The following TRMT10A variants were observed in gnomAD, a reference collection of about 807,000 sequenced individuals.
TRMT10A encodes the protein tRNA methyltransferase 10 homolog A.
In TRMT10A, 37 loss-of-function variants were observed where a neutral mutation model predicts 40.4. The observed-to-expected ratio is 0.92, with a 90% CI of 0.71 to 1.21. The LOEUF (loss-of-function observed/expected upper bound fraction) is 1.21, where lower values mean the gene tolerates loss of function less well. Among genes scored for constraint, TRMT10A ranks in the 50% most tolerant of loss-of-function variants. TRMT10A has a pLI of 0.00. For missense variants in TRMT10A, 388 were observed against 404.3 expected (o/e 0.96, Z 0.35); for synonymous variants, 103 against 134.1 (o/e 0.77, Z 1.60).
chr4:99,555,271 T>G (rs73832826), intron 5 of TRMT10A, among the ~76,000 whole-genome samples: 13,162 of 152,248 alleles, frequency 0.086, 1,037 homozygotes, highest in African/African-American at 0.19. Flanking sequence ...TCATAGGCTA[T>G]TAATAAAATA....
intron 7 of TRMT10A, among the ~76,000 whole-genome samples, chr4:99,549,743 AG>A (rs2110181782): frequency 6.6e-6 from 1 of 152,288 alleles, no homozygotes; most frequent in African/African-American, 2.4e-5. Context: ...CACTCACACT[AG>A]GATCTCCTTG....
chr4:99,557,433 T>C lies in TRMT10A; in HGVS notation c.349-17A>G, dbSNP rs1266248371. 1 of 1,609,740 alleles carries C rather than the reference T, an allele frequency of 6.2e-7. No individual in the cohort carries two copies. The highest frequency in any genetic ancestry group is 1.1e-5 in the South Asian group (1 of 90,344). On this transcript the variant is annotated splice_polypyrimidine_tract_variant and intron_variant, in intron 3 of 7. Transcript: ENST00000394876. ...CTTAATGTCCTATCACAGAGTTCAATTTTTAAAGCAAAGTTATTAAAATTG... is the reference window on the plus strand; with the variant it reads ...CTTAATGTCCTATCACAGAGTTCAACTTTTAAAGCAAAGTTATTAAAATTG...
At chr4:99,551,116 AT>A (rs1394192794) in intron 6 of TRMT10A, 126 bp from the exon 7 acceptor site, 16 of 641,464 alleles carry the variant, frequency 2.5e-5, no homozygotes, top group African/African-American at 3.8e-5. Flanking sequence ...TATTATCTGA[AT>A]GGGGGGTATG....
intron 1 of TRMT10A, among the ~76,000 whole-genome samples, chr4:99,559,767 C>G (rs1256122099): frequency 6.6e-6 from 1 of 152,054 alleles, no homozygotes; most frequent in East Asian, 1.9e-4. Flanking sequence ...TTAGAAACCT[C>G]CTGAATGTCA....
intron 3 of TRMT10A, chr4:99,557,753 C>T: frequency 2.4e-6 from 1 of 409,612 alleles, no homozygotes; most frequent in Non-Finnish European, 4.3e-6. Context: ...TAAAACCCCA[C>T]AGATCTTTAT....
chr4:99,554,261 C>A (rs998561048), intron 5 of TRMT10A, among the ~76,000 whole-genome samples: 4 of 152,174 alleles, frequency 2.6e-5, no homozygotes, highest in Non-Finnish European at 4.4e-5. Flanking sequence ...AATCTGAAAT[C>A]CTTAATTTAA....
intron 2 of TRMT10A, 103 bp downstream of exon 2, chr4:99,559,051 T>G: frequency 1.4e-5 from 17 of 1,229,578 alleles, no homozygotes; most frequent in Non-Finnish European, 1.9e-5. Context: ...AGTAATTGAA[T>G]TTTAAGTAAC....
At position 99,557,576 on chromosome 4, in the gene TRMT10A, A is replaced by T. The variant is rs115081595; in HGVS notation, c.349-160T>A. 757 of 582,118 alleles carry T rather than the reference A, an allele frequency of 1.3e-3. 6 individuals are homozygous for T. Among genetic ancestry groups the T allele is most frequent in the African/African-American group, 0.013 (655 of 51,966 alleles). 36.1% of individuals were successfully genotyped at this position (582,118 alleles called of 1,614,324 possible). On this transcript the variant is annotated intron_variant, in intron 3 of 7. Coordinates refer to ENST00000394876, the MANE Select transcript of TRMT10A (RefSeq NM_001134665.3). The stretch of plus-strand genomic sequence containing the variant: ...GATAAATGTTATTTGATTTCCTTAC[A>T]TACTAGCAAAATTACTGTAAGTTAA...
At position 99,552,889 on chromosome 4, in the gene TRMT10A, G is replaced by C. The variant is rs549642363; in HGVS notation, c.645+896C>G. On this transcript the variant is annotated intron_variant, in intron 6 of 7. Coordinates refer to ENST00000394876, the MANE Select transcript of TRMT10A (RefSeq NM_001134665.3). The stretch of plus-strand genomic sequence containing the variant: ...TCAACTGATGGTTTGCATACTTGGT[G>C]GGGGGGGGAGGCAGCAAATAATAAT... Among the ~76,000 whole-genome samples the C allele has an allele frequency of 6.1e-5, 9 of 147,970 alleles. No homozygotes were observed. In the South Asian group the frequency reaches 8.5e-4, roughly 14 times the overall value.
chr4:99,555,251 AT>A (rs1371142911), intron 5 of TRMT10A, among the ~76,000 whole-genome samples: 3 of 152,230 alleles, frequency 2.0e-5, no homozygotes, highest in Non-Finnish European at 2.9e-5. Context: ...GCCTTTGAAA[AT>A]GTTTCATATC....
intron 5 of TRMT10A, 115 bp from the exon 6 acceptor site, chr4:99,554,049 T>A: frequency 9.5e-7 from 1 of 1,053,350 alleles, no homozygotes; most frequent in Non-Finnish European, 1.4e-6. Context: ...GAAACAAAGT[T>A]TGAAATAATA....
At position 99,548,406 on chromosome 4, in the gene TRMT10A, T is replaced by C. The variant is rs1723819744; in HGVS notation, c.*682A>G. The C allele has an allele frequency of 6.6e-6, 1 of 152,126 alleles. No homozygotes were observed. Among genetic ancestry groups the C allele is most frequent in the Non-Finnish European group, 1.5e-5 (1 of 67,990 alleles). 9.4% of individuals were successfully genotyped at this position (152,126 alleles called of 1,614,324 possible). A position where few individuals can be genotyped will look rare whatever the true frequency, so the allele number is the denominator to read the frequency against. The stretch of plus-strand genomic sequence containing the variant: ...AAATAATTTAGTCTGCAAAATTCAA[T>C]TTTATAATTGAAGTAACTTATCACC... On this transcript the variant is annotated 3_prime_UTR_variant, in exon 8 of 8. Transcript: ENST00000394876.
At position 99,556,142 on chromosome 4, in the gene TRMT10A, T is replaced by C. The variant is rs1312285551; in HGVS notation, c.495+4A>G. ...TTATGTGAGAGTTTATCTGTTTTAA[T>C]TACCTTCCAGTTGACCCATCCTTTG... On this transcript the variant is annotated splice_donor_region_variant and intron_variant, in intron 5 of 7. Transcript: ENST00000394876. 1 of 1,613,236 alleles carries C rather than the reference T, an allele frequency of 6.2e-7. No individual in the cohort carries two copies. Among genetic ancestry groups the C allele is most frequent in the Admixed American group, 1.7e-5 (1 of 59,952 alleles).
At chr4:99,561,680 A>G (rs559391644) in intron 1 of TRMT10A, among the ~76,000 whole-genome samples, 2 of 152,312 alleles carry the variant, frequency 1.3e-5, no homozygotes, top group East Asian at 3.9e-4. Context: ...ACTATGTACT[A>G]GCGTGTTCAG....
Position 99,562,515 on chromosome 4 carries a change from C to CTTCTTTTT in TRMT10A, c.-24+1397_-24+1398insAAAAAGAA, listed in dbSNP as rs1164312241. ...CTTGACAGCGATAGCAAAGGAATGC[C>CTTCTTTTT]TTTTTTTTTTTTTTTTTTTTTTTTT... On this transcript the variant is annotated intron_variant, in intron 1 of 7. Coordinates refer to ENST00000394876, the MANE Select transcript of TRMT10A (RefSeq NM_001134665.3). Among the ~76,000 whole-genome samples the CTTCTTTTT allele has an allele frequency of 2.0e-3, 155 of 76,668 alleles. 17 individuals are homozygous for CTTCTTTTT. Among genetic ancestry groups the CTTCTTTTT allele is most frequent in the African/African-American group, 7.6e-3 (128 of 16,834 alleles). The allele number at this position is 76,668 out of a possible 152,430, so 50.3% of individuals were successfully genotyped here. A position where few individuals can be genotyped will look rare whatever the true frequency, so the allele number is the denominator to read the frequency against.
intron 1 of TRMT10A, among the ~76,000 whole-genome samples, chr4:99,560,172 A>G (rs1300942660): frequency 6.6e-6 from 1 of 152,160 alleles, no homozygotes; most frequent in Non-Finnish European, 1.5e-5. Flanking sequence ...GATACAAATT[A>G]AAAATAGGGC....
rs1229586573 is a variant in TRMT10A at position 99,553,923 on chromosome 4, G to A, written c.507C>T (p.Ile169=). 10 of 1,612,546 alleles carry A rather than the reference G, an allele frequency of 6.2e-6. No individual in the cohort carries two copies. The highest frequency in any genetic ancestry group is 1.7e-5 in the Admixed American group (1 of 59,802). Residue 169 remains isoleucine (I), a synonymous_variant, in exon 6 of 8, where the codon ATC becomes ATT. Coordinates refer to ENST00000394876, the MANE Select transcript of TRMT10A (RefSeq NM_001134665.3). ...TGAGTTCACTATAGTGCTCTGGTTT[G>A]ATATGGATATCCTTTAAGACAACAG... ...KGWVNWKDIH[I]KPEHYSELIK...
Position 99,549,351 on chromosome 4 carries a change from C to A in TRMT10A, c.757G>T (p.Glu253Ter). 1 of 1,613,886 alleles carries A rather than the reference C, an allele frequency of 6.2e-7. No individual in the cohort carries two copies. The highest frequency in any genetic ancestry group is 8.5e-7 in the Non-Finnish European group (1 of 1,179,876). The change falls in exon 8 of 8, where the codon GAA (glutamate) becomes TAA (stop). Residue 253 changes from glutamate (E) to a stop codon, truncating the protein, a stop_gained. Coordinates refer to ENST00000394876, the MANE Select transcript of TRMT10A (RefSeq NM_001134665.3). LOFTEE classifies it low-confidence loss of function (END_TRUNC). The part of the protein sequence containing the change: ...RKVLAVNHVF[E>*]IILEYLETRD... ...GTTTCCAGGTATTCCAGAATAATTT[C>A]AAACACTGCAATAAAGACATATTCC...
intron 1 of TRMT10A, among the ~76,000 whole-genome samples, chr4:99,559,939 T>A (rs576634008): frequency 1.0e-3 from 157 of 152,264 alleles, no homozygotes; most frequent in Non-Finnish European, 1.9e-3. Context: ...CCAACTTTTT[T>A]AAAAAGGTAT....
Sources: allele counts gnomAD v4.1 joint callset (sites outside exome capture counted in the v4.1 genomes callset), GRCh38; gene constraint gnomAD v4.1.1; transcripts MANE v1.5; gene names NCBI Gene and HGNC (gene_info 2026-07-23, HGNC 2026-07-21).